ABLIM1: variants seen among roughly 807,000 people sequenced by gnomAD.
The protein encoded by ABLIM1 is actin-binding LIM protein 1.
A neutral mutation model predicts 107.0 loss-of-function variants in ABLIM1; 40 were observed. The observed-to-expected ratio is 0.37, with a 90% CI of 0.29 to 0.49. The LOEUF is 0.49. ABLIM1 is among the 20% of genes least tolerant of loss of function. The pLI, the probability that ABLIM1 is intolerant of heterozygous loss-of-function variation, is 0.97. For synonymous variants in ABLIM1, 357 were observed against 357.3 expected (o/e 1.00, Z 0.01); for missense variants, 857 against 1,008.5 (o/e 0.85, Z 2.04).
rs1387568554 is a variant in ABLIM1, at chr10:114,432,869, A to G, written c.*3391T>C. 1 of 152,212 alleles carries G rather than the reference A, an allele frequency of 6.6e-6. No individual in the cohort carries two copies. Among genetic ancestry groups the G allele is most frequent in the Middle Eastern group, 3.2e-3 (1 of 316 alleles). 9.4% of individuals were successfully genotyped at this position (152,212 alleles called of 1,614,324 possible). On this transcript the variant is annotated 3_prime_UTR_variant, in exon 23 of 23. Coordinates refer to ENST00000533213, the MANE Select transcript of ABLIM1 (RefSeq NM_002313.7). Reference sequence around the variant, plus strand: ...ACAGGAAGTTTATGTGAAGTTATTGAACACGTCATATTAAGAACATTTCAT... The same window carrying G: ...ACAGGAAGTTTATGTGAAGTTATTGGACACGTCATATTAAGAACATTTCAT...
At chr10:114,777,716 C>T in the ABLIM1 span, among the ~76,000 whole-genome samples, 3 of 152,192 alleles carry the variant, frequency 2.0e-5, no homozygotes, top group African/African-American at 7.2e-5. Flanking sequence ...CAAGCCAGCC[C>T]CACGCAAGCA....
At chr10:114,513,443 TA>T (rs915155647) in intron 6 of ABLIM1, among the ~76,000 whole-genome samples, 11 of 150,254 alleles carry the variant, frequency 7.3e-5, no homozygotes, top group South Asian at 4.2e-4. Flanking sequence ...TAAAAGAAAA[TA>T]AAAAAAAAGA....
chr10:114,737,417 C>T (rs75571204), intron 1 of ABLIM1, among the ~76,000 whole-genome samples: 8,377 of 152,238 alleles, frequency 0.055, 352 homozygotes, highest in African/African-American at 0.12. Flanking sequence ...ACCTTTGAGA[C>T]GACATCACCC....
At chr10:114,704,335 T>TATATATCTCTCACG (rs3061769) in intron 1 of ABLIM1, among the ~76,000 whole-genome samples, 2 of 83,388 alleles carry the variant, frequency 2.4e-5, no homozygotes, top group African/African-American at 4.0e-5. Flanking sequence ...TATATATATA[T>TATATATCTCTCACG]TGCGCGCGTT....
At chr10:114,676,652 G>T (rs2080500361) in intron 1 of ABLIM1, among the ~76,000 whole-genome samples, 1 of 152,082 alleles carries the variant, frequency 6.6e-6, no homozygotes, top group Admixed American at 6.5e-5. Flanking sequence ...AAATTTTATT[G>T]CCAATCTCAG....
intron 12 of ABLIM1, among the ~76,000 whole-genome samples, chr10:114,464,909 A>G (rs747218008): frequency 6.6e-6 from 1 of 152,162 alleles, no homozygotes; most frequent in Non-Finnish European, 1.5e-5. Flanking sequence ...CTTCCTTGTG[A>G]ATCCATTTCT....
intron 1 of ABLIM1, among the ~76,000 whole-genome samples, chr10:114,713,352 A>T (rs2081592315): frequency 6.6e-6 from 1 of 152,178 alleles, no homozygotes; most frequent in African/African-American, 2.4e-5. Context: ...ATTTAAGGGG[A>T]GCTATGTCCC....
In ABLIM1 at chr10:114,433,862, TTA is replaced by T. The variant is rs1288345321; in HGVS notation, c.*2396_*2397del. On this transcript the variant is annotated 3_prime_UTR_variant, in exon 23 of 23. Coordinates refer to ENST00000533213, the MANE Select transcript of ABLIM1 (RefSeq NM_002313.7). ...TGTTTCCCAAATACCTTGATTTTTC[TTA>T]TATTGACATTTCATCTGCACATGTC... The T allele has an allele frequency of 6.6e-6, 1 of 152,208 alleles. No individual in the cohort carries two copies. Among genetic ancestry groups the T allele is most frequent in the Non-Finnish European group, 1.5e-5 (1 of 68,044 alleles). The allele number at this position is 152,208 out of a possible 1,614,324, so 9.4% of individuals were successfully genotyped here.
the ABLIM1 span, among the ~76,000 whole-genome samples, chr10:114,800,365 G>T: frequency 6.6e-6 from 1 of 152,130 alleles, no homozygotes; most frequent in East Asian, 1.9e-4. Flanking sequence ...TCTCTGGCAG[G>T]ATATCCATGT....
intron 2 of ABLIM1, among the ~76,000 whole-genome samples, chr10:114,590,570 G>C (rs1385482469): frequency 1.3e-5 from 2 of 152,186 alleles, no homozygotes; most frequent in Non-Finnish European, 2.9e-5. Flanking sequence ...TCTGCTACTT[G>C]TAATGTGAAT....
intron 2 of ABLIM1, among the ~76,000 whole-genome samples, chr10:114,580,478 G>A (rs2073230879): frequency 1.3e-5 from 2 of 152,032 alleles, no homozygotes; most frequent in African/African-American, 4.8e-5. Context: ...CTCCCAAACT[G>A]TTGGGAATAT....
At chr10:114,710,392 G>A (rs1292309980) in intron 1 of ABLIM1, among the ~76,000 whole-genome samples, 1 of 152,134 alleles carries the variant, frequency 6.6e-6, no homozygotes, top group African/African-American at 2.4e-5. Flanking sequence ...TATCTTACAT[G>A]GTGGCAGGCA....
At chr10:114,724,318 A>C in intron 1 of ABLIM1, among the ~76,000 whole-genome samples, 1 of 152,182 alleles carries the variant, frequency 6.6e-6, no homozygotes, top group Non-Finnish European at 1.5e-5. Flanking sequence ...CACTGCGAGG[A>C]TCAAGAGAGA....
At chr10:114,462,408 G>A (rs10885570) in intron 12 of ABLIM1, among the ~76,000 whole-genome samples, 45,453 of 152,022 alleles carry the variant, frequency 0.3, 6,879 homozygotes, top group Middle Eastern at 0.35. Flanking sequence ...GACGGCTGCA[G>A]AAGCATTGCC....
At position 114,657,961 on chromosome 10, in the gene ABLIM1, A is replaced by G; in HGVS notation, c.240T>C (p.Pro80=). The G allele has an allele frequency of 6.2e-7, 1 of 1,608,056 alleles. No homozygotes were observed. The highest frequency in any genetic ancestry group is 1.1e-5 in the South Asian group (1 of 90,672). Residue 80 remains proline (P), a synonymous_variant, in exon 1 of 23, where the codon CCT becomes CCC. Coordinates refer to ENST00000533213, the MANE Select transcript of ABLIM1 (RefSeq NM_002313.7). ...PRGRVCNSVD[P]FVAHPQDPHH... The stretch of plus-strand genomic sequence containing the variant: ...AGAGAGGGTTATTTTACTTACCAAA[A>G]GGATCAACGCTGTTACATACACGCC...
At chr10:114,569,407 C>T (rs1051380584) in intron 4 of ABLIM1, among the ~76,000 whole-genome samples, 2 of 151,836 alleles carry the variant, frequency 1.3e-5, no homozygotes, top group African/African-American at 2.4e-5. Flanking sequence ...GCAACCTCTG[C>T]CTTCCGGTTT....
chr10:114,536,472 T>G (rs1252218655), intron 6 of ABLIM1, among the ~76,000 whole-genome samples: 1 of 151,996 alleles, frequency 6.6e-6, no homozygotes, highest in Non-Finnish European at 1.5e-5. Context: ...GGTCTCGAAC[T>G]CCCGACCTCA....
chr10:114,718,086 GAAGGAAGGAAAAGA>G (rs2081737478), intron 1 of ABLIM1, among the ~76,000 whole-genome samples: 1 of 89,528 alleles, frequency 1.1e-5, no homozygotes, highest in South Asian at 4.4e-4. Context: ...AGGAAGGAAG[GAAGGAAGGAAAAGA>G]AAAAGAAAAA....
At chr10:114,783,508 T>C in the ABLIM1 span, among the ~76,000 whole-genome samples, 1 of 151,902 alleles carries the variant, frequency 6.6e-6, no homozygotes, top group Non-Finnish European at 1.5e-5. Flanking sequence ...TTTAAATCCA[T>C]GGAAATTAGT....
Sources: allele counts gnomAD v4.1 joint callset (sites outside exome capture counted in the v4.1 genomes callset), GRCh38; gene constraint gnomAD v4.1.1; transcripts MANE v1.5; gene names NCBI Gene and HGNC (gene_info 2026-07-23, HGNC 2026-07-21).